The following EFHC1 variants were observed in gnomAD, a reference collection of about 807,000 sequenced individuals.
EFHC1 encodes EF-hand domain containing 1.
In EFHC1, 53 loss-of-function variants were observed where a neutral mutation model predicts 69.9. The ratio of observed to expected loss-of-function variants is 0.76; its 90% CI spans 0.61 to 0.95. EFHC1 has a LOEUF of 0.95. EFHC1 is among the 40% of genes least tolerant of loss of function. The probability of loss-of-function intolerance (pLI) is 0.00; values close to 1 mark genes in which losing one functional copy is unlikely to be tolerated. For missense variants in EFHC1, 739 were observed against 798.7 expected (o/e 0.93, Z 0.90); for synonymous variants, 256 against 278.4 (o/e 0.92, Z 0.80).
At chr6:52,444,704 A>T (rs1425570993) in intron 3 of EFHC1, among the ~76,000 whole-genome samples, 1 of 152,096 alleles carries the variant, frequency 6.6e-6, no homozygotes, top group African/African-American at 2.4e-5. Flanking sequence ...TATTTTATGG[A>T]GGATTTTTGC....
At chr6:52,456,170 A>G (rs73445969) in intron 5 of EFHC1, among the ~76,000 whole-genome samples, 276 of 152,342 alleles carry the variant, frequency 1.8e-3, no homozygotes, top group African/African-American at 6.3e-3. Flanking sequence ...AAAAATGAAA[A>G]TACTGCTAAT....
chr6:52,461,603 C>T (rs533446128), intron 5 of EFHC1, among the ~76,000 whole-genome samples: 13 of 152,032 alleles, frequency 8.6e-5, no homozygotes, highest in Non-Finnish European at 1.6e-4. Context: ...ATTGCTGGGT[C>T]GAATGGGTAG....
intron 6 of EFHC1, among the ~76,000 whole-genome samples, chr6:52,466,724 G>A (rs904548926): frequency 6.6e-6 from 1 of 152,130 alleles, no homozygotes; most frequent in African/African-American, 2.4e-5. Flanking sequence ...AAGGTGTTCT[G>A]CAAAAAGGAA....
intron 9 of EFHC1, chr6:52,486,042 T>A (rs1765779381): frequency 6.6e-6 from 1 of 152,328 alleles, no homozygotes. Flanking sequence ...CTCTTAGCTA[T>A]TCTGCGTTTA....
Position 52,438,406 on chromosome 6 carries a change from A to C in EFHC1, c.388A>C (p.Ser130Arg), listed in dbSNP as rs1481620865. The C allele has an allele frequency of 6.2e-7, 1 of 1,613,956 alleles. No individual in the cohort carries two copies. The highest frequency in any genetic ancestry group is 8.5e-7 in the Non-Finnish European group (1 of 1,179,982). ...VNIYYYLEDD[S>R]MSVIEPVVEN... ...CATTTACTATTATCTAGAAGATGACAGCATGTCTGTCATAGAGCCTGTTGT... is the reference window on the plus strand; with the variant it reads ...CATTTACTATTATCTAGAAGATGACCGCATGTCTGTCATAGAGCCTGTTGT... The change falls in exon 3 of 11, where the codon AGC becomes CGC. Residue 130 changes from serine (S) to arginine (R), a missense_variant. Ser to Arg is a moderately radical substitution (Grantham distance 110, BLOSUM62 -1). Transcript: ENST00000371068.
intron 5 of EFHC1, among the ~76,000 whole-genome samples, chr6:52,457,281 AG>A (rs1473157731): frequency 6.6e-6 from 1 of 152,234 alleles, no homozygotes; most frequent in Non-Finnish European, 1.5e-5. Flanking sequence ...ATGCAGACCG[AG>A]GTCAGAAGGA....
chr6:52,479,044 C>T lies in EFHC1; in HGVS notation c.1286C>T (p.Pro429Leu), dbSNP rs1765607722. 6.2e-7 allele frequency: 1 copy of T among 1,613,608 alleles called. No individual in the cohort carries two copies. Among genetic ancestry groups the T allele is most frequent in the Non-Finnish European group, 8.5e-7 (1 of 1,179,924 alleles). Residue 429 changes from proline (P) to leucine (L), a missense_variant, in exon 8 of 11, where the codon CCC (proline) becomes CTC (leucine). Coordinates refer to ENST00000371068, the MANE Select transcript of EFHC1 (RefSeq NM_018100.4). ...VLRYLAVLES[P>L]IPEDKDRRFV... ...TTTTCTTCACCTTTGTAGGAATCCC[C>T]CATCCCAGAAGACAAAGACCGCAGA...
rs1233984507 is a variant in EFHC1, at chr6:52,494,334, G to T, written c.*1993G>T. 1 of 454,106 alleles carries T rather than the reference G, an allele frequency of 2.2e-6. No homozygotes were observed. Among genetic ancestry groups the T allele is most frequent in the South Asian group, 1.6e-5 (1 of 64,476 alleles). 28.1% of individuals were successfully genotyped at this position (454,106 alleles called of 1,614,324 possible). On this transcript the variant is annotated 3_prime_UTR_variant, in exon 11 of 11. Coordinates refer to ENST00000371068, the MANE Select transcript of EFHC1 (RefSeq NM_018100.4). ...CTTCCCCCAGGCTTAGAAGCCTGTG[G>T]TAAAGAGTGTGTGTATACTGGGGTG...
chr6:52,427,554 CTTT>C (rs58307591), intron 2 of EFHC1, among the ~76,000 whole-genome samples: 1 of 147,556 alleles, frequency 6.8e-6, no homozygotes, highest in African/African-American at 2.5e-5. Flanking sequence ...ACTTCCCTCT[CTTT>C]TTTTTTTTTC....
At position 52,490,118 on chromosome 6, in the gene EFHC1, C is replaced by A. The variant is rs201576410; in HGVS notation, c.1641-22C>A. ...ATCAAGAATAAATACCATGTGCAGT[C>A]ATTTCCTTCCTTTCTCTACAGCAAG... On this transcript the variant is annotated intron_variant, in intron 9 of 10. Coordinates refer to ENST00000371068, the MANE Select transcript of EFHC1 (RefSeq NM_018100.4). 1.3e-5 allele frequency: 21 copies of A among 1,607,634 alleles called. No homozygotes were observed. In the East Asian group the frequency reaches 4.0e-4, roughly 31 times the overall value.
At chr6:52,456,920 A>G (rs1290973058) in intron 5 of EFHC1, among the ~76,000 whole-genome samples, 1 of 152,224 alleles carries the variant, frequency 6.6e-6, no homozygotes, top group Non-Finnish European at 1.5e-5. Context: ...ATCTCAAAAA[A>G]AGAAAAAAGG....
chr6:52,476,001 A>G (rs926526823), intron 7 of EFHC1, among the ~76,000 whole-genome samples: 15 of 152,206 alleles, frequency 9.9e-5, no homozygotes, highest in African/African-American at 3.6e-4. Context: ...AACCAAACGA[A>G]TAGCTGAGGG....
intron 5 of EFHC1, among the ~76,000 whole-genome samples, chr6:52,464,433 G>C (rs1765248428): frequency 6.6e-6 from 1 of 152,142 alleles, no homozygotes; most frequent in Admixed American, 6.5e-5. Context: ...TGTATCTACA[G>C]TGTTAATTAT....
intron 7 of EFHC1, among the ~76,000 whole-genome samples, chr6:52,471,483 G>T (rs576638472): frequency 1.3e-5 from 2 of 152,246 alleles, no homozygotes; most frequent in African/African-American, 4.8e-5. Flanking sequence ...ACAATGTTCA[G>T]AAACAAGACA....
intron 1 of EFHC1, chr6:52,423,657 ATT>A (rs59383268): frequency 0.049 from 12,725 of 258,526 alleles, 4 homozygotes; most frequent in South Asian, 0.097. Flanking sequence ...CACCCAGCTA[ATT>A]TTTTTTTTTT....
intron 5 of EFHC1, among the ~76,000 whole-genome samples, chr6:52,457,647 G>T (rs1228988535): frequency 6.6e-6 from 1 of 152,112 alleles, no homozygotes; most frequent in Non-Finnish European, 1.5e-5. Flanking sequence ...ATTACCAATA[G>T]GTGGCAGGTA....
At chr6:52,491,493 G>A (rs1018165688) in intron 10 of EFHC1, among the ~76,000 whole-genome samples, 1 of 152,188 alleles carries the variant, frequency 6.6e-6, no homozygotes, top group African/African-American at 2.4e-5. Flanking sequence ...TACTCCTCAT[G>A]AGCTGAGTGG....
chr6:52,442,286 G>T (rs1229273065), intron 3 of EFHC1, among the ~76,000 whole-genome samples: 1 of 151,850 alleles, frequency 6.6e-6, no homozygotes, highest in Non-Finnish European at 1.5e-5. Context: ...TTAATACCTA[G>T]TTTATTTATT....
chr6:52,456,183 A>T (rs1346053707), intron 5 of EFHC1, among the ~76,000 whole-genome samples: 7 of 152,240 alleles, frequency 4.6e-5, no homozygotes, highest in Non-Finnish European at 1.0e-4. Flanking sequence ...CTGCTAATTC[A>T]GCTTGTATTC....
Sources: allele counts gnomAD v4.1 joint callset (sites outside exome capture counted in the v4.1 genomes callset), GRCh38; gene constraint gnomAD v4.1.1; transcripts MANE v1.5; gene names NCBI Gene and HGNC (gene_info 2026-07-23, HGNC 2026-07-21).